Variants in GLYAT observed in about 807,000 individuals in gnomAD.
GLYAT encodes glycine-N-acyltransferase, also known as glycine N-acyltransferase.
Under a neutral mutation model 22.8 loss-of-function variants are expected in GLYAT, and 25 were observed. The observed-to-expected ratio is 1.09, with a 90% CI of 0.80 to 1.53. GLYAT has a LOEUF of 1.53. GLYAT is among the 40% of genes most tolerant of loss of function. The pLI is 0.00. For synonymous variants in GLYAT, 140 were observed against 122.7 expected, an observed-to-expected ratio of 1.14 and a Z score of -0.93; for missense variants, 411 against 353.9, an observed-to-expected ratio of 1.16 and a Z score of -1.29.
Position 58,710,897 on chromosome 11 carries a change from A to C in GLYAT, c.317-136T>G, listed in dbSNP as rs578203525. The C allele has an allele frequency of 2.5e-4, 146 of 572,828 alleles. 2 individuals are homozygous for C. In the South Asian group the frequency reaches 3.6e-3, roughly 14 times the overall value. 35.5% of individuals were successfully genotyped at this position (572,828 alleles called of 1,614,324 possible). ...GCTTGGTGCTACCACTGTGTGACCC[A>C]TGTCAATAGTAATTTAAAAAGTGAA... On this transcript the variant is annotated intron_variant, in intron 4 of 5. Coordinates refer to ENST00000344743, the MANE Select transcript of GLYAT (RefSeq NM_201648.3).
At chr11:58,712,095 C>A (rs1438667519) in intron 4 of GLYAT, among the ~76,000 whole-genome samples, 1 of 152,160 alleles carries the variant, frequency 6.6e-6, no homozygotes, top group African/African-American at 2.4e-5. Context: ...CCAGATAAGA[C>A]CAGTGGAAGA....
chr11:58,714,182 G>T (rs1856651039), intron 3 of GLYAT, among the ~76,000 whole-genome samples: 1 of 152,204 alleles, frequency 6.6e-6, no homozygotes, highest in African/African-American at 2.4e-5. Context: ...GAATTGGGTA[G>T]TTGTTAGTCA....
chr11:58,710,635 A>G lies in GLYAT; in HGVS notation c.443T>C (p.Leu148Pro). ...ETAKELTPFL[L>P]KSKILSPNGG... The stretch of plus-strand genomic sequence containing the variant: ...ATTGGGAGATAAAATCTTTGATTTC[A>G]GCAGGAAAGGAGTCAGTTCCTTGGC... The change falls in exon 5 of 6, where the codon CTG (leucine) becomes CCG (proline). Residue 148 changes from leucine (L) to proline (P), a missense_variant. Transcript: ENST00000344743. 2 of 1,609,464 alleles carry G rather than the reference A, an allele frequency of 1.2e-6. No homozygotes were observed. Among genetic ancestry groups the G allele is most frequent in the East Asian group, 2.2e-5 (1 of 44,846 alleles).
chr11:58,715,400 T>C lies in GLYAT; in HGVS notation c.105A>G (p.Ile35Met), dbSNP rs141955467. 167 of 1,584,714 alleles carry C rather than the reference T, an allele frequency of 1.1e-4. No individual in the cohort carries two copies. The highest frequency in any genetic ancestry group is 1.4e-4 in the Non-Finnish European group (160 of 1,154,028). ...TCAGATTGAATGGATTTCCATGGTT[T>C]ATGTGAAAGACAGTTCCATAAACCT... ...SLKVYGTVFH[I>M]NHGNPFNLKA... Residue 35 changes from isoleucine (I) to methionine (M), a missense_variant, in exon 3 of 6, where the codon ATA (isoleucine) becomes ATG (methionine). Ile to Met is a conservative substitution (Grantham distance 10). Transcript: ENST00000344743.
intron 2 of GLYAT, among the ~76,000 whole-genome samples, chr11:58,723,283 A>G (rs1408630595): frequency 6.6e-6 from 1 of 152,094 alleles, no homozygotes; most frequent in Non-Finnish European, 1.5e-5. Flanking sequence ...GGTTATTTAT[A>G]TCTTAAGGAT....
At chr11:58,715,674 A>G (rs1459111846) in intron 2 of GLYAT, among the ~76,000 whole-genome samples, 1 of 152,192 alleles carries the variant, frequency 6.6e-6, no homozygotes, top group African/African-American at 2.4e-5. Context: ...TTTTTGTTCA[A>G]TAATAAAATT....
At position 58,709,367 on chromosome 11, in the gene GLYAT, C is replaced by A; in HGVS notation, c.*399G>T. 1 of 65,852 alleles carries A rather than the reference C, an allele frequency of 1.5e-5. No individual in the cohort carries two copies. 4.1% of individuals were successfully genotyped at this position (65,852 alleles called of 1,614,324 possible). A position where few individuals can be genotyped will look rare whatever the true frequency, so the allele number is the denominator to read the frequency against. On this transcript the variant is annotated 3_prime_UTR_variant, in exon 6 of 6. Transcript: ENST00000344743. Reference sequence around the variant, plus strand: ...CCACTTGTTGATCATAAGGGAAAGGCTTTAGAAAGAAAGAAGTCATAGTGC... The same window carrying A: ...CCACTTGTTGATCATAAGGGAAAGGATTTAGAAAGAAAGAAGTCATAGTGC...
intron 2 of GLYAT, among the ~76,000 whole-genome samples, chr11:58,719,445 C>A (rs1336772736): frequency 6.6e-6 from 1 of 151,912 alleles, no homozygotes; most frequent in Non-Finnish European, 1.5e-5. Context: ...GTTAATCTGC[C>A]ACAGGGGTCT....
intron 5 of GLYAT, 23 bp from the exon 6 acceptor site, chr11:58,710,191 AC>A: frequency 2.5e-6 from 4 of 1,589,454 alleles, no homozygotes; most frequent in Non-Finnish European, 3.4e-6. Context: ...CAAGAAGAAA[AC>A]AAAATCCATT....
At chr11:58,727,885 C>T (rs186003656) in intron 1 of GLYAT, among the ~76,000 whole-genome samples, 1 of 152,132 alleles carries the variant, frequency 6.6e-6, no homozygotes, top group East Asian at 1.9e-4. Context: ...GGACAACCCA[C>T]CACAAGGGAA....
chr11:58,721,372 T>G (rs1377412927), intron 2 of GLYAT, among the ~76,000 whole-genome samples: 1 of 67,802 alleles, frequency 1.5e-5, no homozygotes, highest in Non-Finnish European at 4.5e-5. Flanking sequence ...AAAATTAAAC[T>G]TCATTTTTTT....
chr11:58,717,277 A>G lies in GLYAT; in HGVS notation c.82-1854T>C, dbSNP rs370483561. ...TATTTCTAGATGGGTAGGTCCCAAA[A>G]TCTCATTTTTAGCATGTTGTGAAGT... On this transcript the variant is annotated intron_variant, in intron 2 of 5. Coordinates refer to ENST00000344743, the MANE Select transcript of GLYAT (RefSeq NM_201648.3). Among the ~76,000 whole-genome samples the G allele has an allele frequency of 1.7e-3, 257 of 152,236 alleles. 2 individuals are homozygous for G. The highest frequency in any genetic ancestry group is 5.8e-3 in the African/African-American group (241 of 41,558).
chr11:58,711,552 C>T (rs1199361889), intron 4 of GLYAT, among the ~76,000 whole-genome samples: 1 of 152,094 alleles, frequency 6.6e-6, no homozygotes, highest in Non-Finnish European at 1.5e-5. Context: ...GGGATGGATT[C>T]AGTTATGATT....
At chr11:58,730,384 G>A (rs1272697876) in intron 1 of GLYAT, among the ~76,000 whole-genome samples, 3 of 152,094 alleles carry the variant, frequency 2.0e-5, no homozygotes, top group African/African-American at 2.4e-5. Flanking sequence ...AAGGTGGGAC[G>A]ATTCTAATAG....
At chr11:58,730,686 T>G (rs888018772) in intron 1 of GLYAT, among the ~76,000 whole-genome samples, 9 of 152,164 alleles carry the variant, frequency 5.9e-5, no homozygotes, top group Non-Finnish European at 1.3e-4. Flanking sequence ...TGGACTCACT[T>G]GAGCCCACAG....
chr11:58,719,218 C>G (rs1333875777), intron 2 of GLYAT, among the ~76,000 whole-genome samples: 11 of 151,792 alleles, frequency 7.2e-5, no homozygotes, highest in Non-Finnish European at 1.2e-4. Flanking sequence ...AAGTGAAAGT[C>G]AAAGACTTCA....
At chr11:58,723,883 G>A (rs376558925) in intron 2 of GLYAT, among the ~76,000 whole-genome samples, 16 of 152,110 alleles carry the variant, frequency 1.1e-4, no homozygotes, top group African/African-American at 3.9e-4. Context: ...TAGCCCTAAA[G>A]TAACTCGACC....
intron 2 of GLYAT, among the ~76,000 whole-genome samples, chr11:58,716,385 G>C (rs1022958006): frequency 2.6e-5 from 4 of 151,910 alleles, no homozygotes; most frequent in Non-Finnish European, 4.4e-5. Flanking sequence ...CCCTCCTGCT[G>C]CCCCTACCCC....
At chr11:58,719,920 C>T (rs1941965) in intron 2 of GLYAT, among the ~76,000 whole-genome samples, 32,897 of 151,556 alleles carry the variant, frequency 0.22, 3,982 homozygotes, top group African/African-American at 0.31. Context: ...TGACTTACAC[C>T]GACTGTTCAT....
Sources: allele counts gnomAD v4.1 joint callset (sites outside exome capture counted in the v4.1 genomes callset), GRCh38; gene constraint gnomAD v4.1.1; transcripts MANE v1.5; gene names NCBI Gene and HGNC (gene_info 2026-07-23, HGNC 2026-07-21).